Variants in GRID1 observed in about 807,000 individuals in gnomAD.
GRID1 encodes glutamate receptor ionotropic, delta-1.
Under a neutral mutation model 98.0 loss-of-function variants are expected in GRID1, and 28 were observed. That is an observed-to-expected ratio of 0.29 (90% CI 0.21 to 0.39). GRID1 has a LOEUF of 0.39. GRID1 is among the 10% of genes least tolerant of loss of function. GRID1 has a pLI of 1.00. For synonymous variants in GRID1, 553 were observed against 538.5 expected (o/e 1.03, Z -0.37); for missense variants, 1,111 against 1,340.5 (o/e 0.83, Z 2.67).
intron 2 of GRID1, among the ~76,000 whole-genome samples, chr10:86,309,924 A>G (rs1847809584): frequency 6.6e-6 from 1 of 152,140 alleles, no homozygotes; most frequent in Admixed American, 6.5e-5. Context: ...CAGCCAGGAC[A>G]CAGCTGGCTC....
At chr10:86,119,909 G>T (rs192150088) in intron 4 of GRID1, among the ~76,000 whole-genome samples, 2 of 152,164 alleles carry the variant, frequency 1.3e-5, no homozygotes, top group Non-Finnish European at 2.9e-5. Flanking sequence ...TCCTGCCTCA[G>T]CCTCCCGAGT....
intron 4 of GRID1, among the ~76,000 whole-genome samples, chr10:85,977,604 C>G (rs1306960697): frequency 6.6e-6 from 1 of 152,196 alleles, no homozygotes; most frequent in Non-Finnish European, 1.5e-5. Context: ...TAGATTAGAG[C>G]AAGGCTCCAT....
intron 12 of GRID1, 148 bp downstream of exon 12, chr10:85,722,855 G>T: frequency 2.3e-6 from 1 of 441,038 alleles, no homozygotes; most frequent in Non-Finnish European, 3.9e-6. Flanking sequence ...CAGGAGTGAA[G>T]CTCTTCTCCA....
chr10:85,621,216 C>G (rs1842855811), intron 13 of GRID1, among the ~76,000 whole-genome samples: 2 of 152,276 alleles, frequency 1.3e-5, no homozygotes, highest in South Asian at 4.2e-4. Flanking sequence ...ACAGACACCC[C>G]TTTGCCGCTT....
At chr10:86,025,169 C>T (rs1269417736) in intron 4 of GRID1, among the ~76,000 whole-genome samples, 1 of 152,158 alleles carries the variant, frequency 6.6e-6, no homozygotes, top group Non-Finnish European at 1.5e-5. Flanking sequence ...AATCCTGGCC[C>T]CCTCTCACCA....
At chr10:86,210,729 C>T (rs948982224) in intron 2 of GRID1, among the ~76,000 whole-genome samples, 3 of 152,150 alleles carry the variant, frequency 2.0e-5, no homozygotes, top group African/African-American at 2.4e-5. Flanking sequence ...TGGAGAGGCC[C>T]GATGTGAGTC....
chr10:85,803,340 C>G (rs1374114310), intron 8 of GRID1, among the ~76,000 whole-genome samples: 2 of 151,956 alleles, frequency 1.3e-5, no homozygotes, highest in Non-Finnish European at 2.9e-5. Flanking sequence ...TCTCATGTAT[C>G]CTATAAATAT....
chr10:86,002,962 T>C (rs1433440555), intron 4 of GRID1, among the ~76,000 whole-genome samples: 1 of 152,186 alleles, frequency 6.6e-6, no homozygotes, highest in Admixed American at 6.5e-5. Context: ...GATCTTAGGG[T>C]TGGCCCTAAC....
intron 8 of GRID1, among the ~76,000 whole-genome samples, chr10:85,821,838 C>T (rs1270203105): frequency 6.6e-6 from 1 of 152,142 alleles, no homozygotes; most frequent in East Asian, 1.9e-4. Context: ...CCAAAACAGA[C>T]ATGTAGACCA....
intron 14 of GRID1, among the ~76,000 whole-genome samples, chr10:85,618,190 A>G (rs1590161564): frequency 1.3e-5 from 2 of 152,278 alleles, no homozygotes; most frequent in East Asian, 3.9e-4. Flanking sequence ...GACTCTCAGG[A>G]GCCATCTGAG....
intron 8 of GRID1, among the ~76,000 whole-genome samples, chr10:85,782,098 A>T (rs1842386801): frequency 6.6e-6 from 1 of 152,242 alleles, no homozygotes; most frequent in Non-Finnish European, 1.5e-5. Context: ...ATTTCATAAC[A>T]TTTTTAAAAT....
At chr10:86,237,036 C>T (rs763187465) in intron 2 of GRID1, among the ~76,000 whole-genome samples, 2 of 152,128 alleles carry the variant, frequency 1.3e-5, no homozygotes, top group African/African-American at 4.8e-5. Context: ...TCTGCTTCCA[C>T]ACTCCTTCCC....
rs149020815 is a variant in GRID1 at position 86,139,757 on chromosome 10, G to A, written c.521-733C>T. The stretch of plus-strand genomic sequence containing the variant: ...AGAGAGCCCATCCTGGCACGTTGGT[G>A]ATCACTGGGAGAGAGGTCTGTCGGC... On this transcript the variant is annotated intron_variant, in intron 3 of 15. Transcript: ENST00000327946. Among the ~76,000 whole-genome samples the A allele has an allele frequency of 2.0e-3, 310 of 152,336 alleles. 2 individuals are homozygous for A. Among genetic ancestry groups the A allele is most frequent in the African/African-American group, 7.0e-3 (290 of 41,582 alleles).
At chr10:85,801,907 A>C (rs1345572702) in intron 8 of GRID1, among the ~76,000 whole-genome samples, 1 of 152,044 alleles carries the variant, frequency 6.6e-6, no homozygotes, top group East Asian at 1.9e-4. Context: ...GAGAAAAACT[A>C]TTAGCTATAA....
chr10:85,747,733 CA>C (rs1842010636), intron 8 of GRID1, among the ~76,000 whole-genome samples: 1 of 152,138 alleles, frequency 6.6e-6, no homozygotes, highest in Non-Finnish European at 1.5e-5. Context: ...AACCAAGAGA[CA>C]GAGATTTTGA....
chr10:86,080,053 G>T (rs897150540), intron 4 of GRID1, among the ~76,000 whole-genome samples: 3 of 152,128 alleles, frequency 2.0e-5, no homozygotes, highest in Non-Finnish European at 4.4e-5. Flanking sequence ...CGGAGTAAGG[G>T]CCTGGCACGG....
At chr10:85,816,582 T>C (rs1233817945) in intron 8 of GRID1, among the ~76,000 whole-genome samples, 1 of 152,236 alleles carries the variant, frequency 6.6e-6, no homozygotes, top group Non-Finnish European at 1.5e-5. Flanking sequence ...GATGGAACTA[T>C]TCCACATGTT....
chr10:86,313,899 C>T (rs949980802), intron 2 of GRID1, among the ~76,000 whole-genome samples: 3 of 152,154 alleles, frequency 2.0e-5, no homozygotes, highest in African/African-American at 7.2e-5. Context: ...ACAACAAAAC[C>T]CCTGTATTTC....
At chr10:85,696,839 T>A (rs1224182314) in intron 12 of GRID1, among the ~76,000 whole-genome samples, 1 of 152,112 alleles carries the variant, frequency 6.6e-6, no homozygotes, top group East Asian at 1.9e-4. Context: ...AACATTTAGC[T>A]AATACTTTAG....
Sources: gnomAD v4.1 joint callset for allele counts (sites outside exome capture counted in the v4.1 genomes callset) on GRCh38, gnomAD v4.1.1 for gene constraint, MANE v1.5 for transcripts, NCBI Gene and HGNC (gene_info 2026-07-23, HGNC 2026-07-21) for gene names.